Variants in CPED1 observed in about 807,000 individuals in gnomAD.
CPED1 encodes the protein cadherin-like and PC-esterase domain-containing protein 1.
A neutral mutation model predicts 128.2 loss-of-function variants in CPED1; 114 were observed. The ratio of observed to expected loss-of-function variants is 0.89; its 90% CI spans 0.76 to 1.04. CPED1 has a LOEUF of 1.04. Among genes scored for constraint, CPED1 ranks in the 50% least tolerant of loss-of-function variants. CPED1 has a pLI of 0.00. For synonymous variants in CPED1, 462 were observed against 426.7 expected (o/e 1.08, Z -1.02); for missense variants, 1,211 against 1,207.1 (o/e 1.00, Z -0.05).
chr7:121,248,136 C>G lies in CPED1; in HGVS notation c.2310+3798C>G, dbSNP rs114881503. Among the ~76,000 whole-genome samples, 1,063 of 152,256 alleles carry G rather than the reference C, an allele frequency of 7.0e-3. 13 individuals are homozygous for G. The highest frequency in any genetic ancestry group is 0.024 in the African/African-American group (989 of 41,542). ...GTGCCCAAGGCTGCAGTGTGCAGCT[C>G]AAGAGTGCTGAGCCAGGATATGTGG... On this transcript the variant is annotated intron_variant, in intron 18 of 22. Transcript: ENST00000310396.
intron 2 of CPED1, among the ~76,000 whole-genome samples, chr7:121,009,805 G>A (rs540230707): frequency 6.6e-6 from 1 of 152,262 alleles, no homozygotes; most frequent in South Asian, 2.1e-4. Context: ...TGTTTGAAAC[G>A]AAGTGGAGGA....
intron 3 of CPED1, among the ~76,000 whole-genome samples, chr7:121,043,125 G>A (rs750656215): frequency 6.6e-6 from 1 of 152,178 alleles, no homozygotes; most frequent in Non-Finnish European, 1.5e-5. Flanking sequence ...TATGGCAACA[G>A]CCTTGAGACA....
intron 4 of CPED1, among the ~76,000 whole-genome samples, chr7:121,059,417 T>C (rs923772656): frequency 1.3e-5 from 2 of 152,208 alleles, no homozygotes; most frequent in Non-Finnish European, 2.9e-5. Context: ...ATGAACAGCT[T>C]TGGGAGAAGT....
chr7:121,241,417 A>G (rs1798393104), intron 17 of CPED1, among the ~76,000 whole-genome samples: 1 of 151,470 alleles, frequency 6.6e-6, no homozygotes, highest in African/African-American at 2.4e-5. Flanking sequence ...ATGGAAAAAT[A>G]AGCACTTTTG....
chr7:121,222,388 G>T (rs982654393), intron 16 of CPED1, among the ~76,000 whole-genome samples: 1 of 152,096 alleles, frequency 6.6e-6, no homozygotes, highest in Non-Finnish European at 1.5e-5. Context: ...GTCAGGTAGC[G>T]TGATGCCTCC....
At chr7:121,269,102 C>T (rs1044284411) in intron 21 of CPED1, among the ~76,000 whole-genome samples, 2 of 151,988 alleles carry the variant, frequency 1.3e-5, no homozygotes, top group African/African-American at 4.8e-5. Context: ...ACCTGGTATA[C>T]AAGTAAGTGT....
Position 121,266,726 on chromosome 7 carries a change from A to G in CPED1, c.2551A>G (p.Thr851Ala). ...LLQRSRPLEN[T>A]GQTVLVVGGV... Reference sequence around the variant, plus strand: ...TTTCAGATCACGTCCCCTAGAGAATACTGGCCAGACTGTATTGGTTGTTGG... The same window carrying G: ...TTTCAGATCACGTCCCCTAGAGAATGCTGGCCAGACTGTATTGGTTGTTGG... The change falls in exon 20 of 23, where the codon ACT becomes GCT. Residue 851 changes from threonine (T) to alanine (A), a missense_variant. Physicochemically the swap from Thr to Ala is moderately conservative, Grantham distance 58 (BLOSUM62 0). Coordinates refer to ENST00000310396, the MANE Select transcript of CPED1 (RefSeq NM_024913.5). The G allele has an allele frequency of 1.2e-6, 2 of 1,612,158 alleles. No homozygotes were observed. The highest frequency in any genetic ancestry group is 1.7e-6 in the Non-Finnish European group (2 of 1,178,572).
At chr7:121,294,357 T>G (rs141022269) in intron 22 of CPED1, among the ~76,000 whole-genome samples, 13 of 152,162 alleles carry the variant, frequency 8.5e-5, no homozygotes, top group Non-Finnish European at 1.5e-5. Flanking sequence ...TTATAACTTA[T>G]GCATGATGCT....
intron 22 of CPED1, 89 bp downstream of exon 22, chr7:121,271,519 C>T (rs1282079899): frequency 4.6e-6 from 6 of 1,316,084 alleles, no homozygotes. Flanking sequence ...TCTTATTTTG[C>T]ATGAAACAAA....
At position 120,989,999 on chromosome 7, in the gene CPED1, G is replaced by A. The variant is rs996922009; in HGVS notation, c.249+129G>A. On this transcript the variant is annotated intron_variant, in intron 2 of 22. Coordinates refer to ENST00000310396, the MANE Select transcript of CPED1 (RefSeq NM_024913.5). ...GGATCCAGAGTGTAAACAGCCTAGA[G>A]AGTGACCTGATGACTGGGAAACACG... 5 of 1,071,582 alleles carry A rather than the reference G, an allele frequency of 4.7e-6. No individual in the cohort carries two copies. The African/African-American group carries it at 6.3e-5, about 14-fold the overall frequency. The allele number at this position is 1,071,582 out of a possible 1,614,324, so 66.4% of individuals were successfully genotyped here.
At chr7:121,095,401 T>C (rs1285703808) in intron 5 of CPED1, among the ~76,000 whole-genome samples, 2 of 152,106 alleles carry the variant, frequency 1.3e-5, no homozygotes, top group Admixed American at 1.3e-4. Context: ...CTTTTAAAGA[T>C]ATAAATGAAG....
At chr7:121,086,956 G>T (rs1015993645) in intron 5 of CPED1, among the ~76,000 whole-genome samples, 6 of 152,194 alleles carry the variant, frequency 3.9e-5, no homozygotes, top group Non-Finnish European at 8.8e-5. Context: ...AGGCAAACTT[G>T]GGCAAGGGAA....
chr7:121,124,247 C>A, intron 7 of CPED1, 84 bp from the exon 8 acceptor site: 1 of 1,314,450 alleles, frequency 7.6e-7, no homozygotes, highest in Non-Finnish European at 1.0e-6. Context: ...TAACCTAGAA[C>A]AATCCTTCAA....
At chr7:121,107,595 G>C (rs1299315452) in intron 7 of CPED1, among the ~76,000 whole-genome samples, 1 of 151,998 alleles carries the variant, frequency 6.6e-6, no homozygotes, top group Non-Finnish European at 1.5e-5. Context: ...TGGTATGTGG[G>C]TGCAAAGTAA....
At chr7:121,110,526 T>G (rs1469117546) in intron 7 of CPED1, among the ~76,000 whole-genome samples, 1 of 152,128 alleles carries the variant, frequency 6.6e-6, no homozygotes, top group Admixed American at 6.6e-5. Flanking sequence ...TTTCAAGAGA[T>G]GACAGTAAAA....
In CPED1 at chr7:121,064,716, G is replaced by A. The variant is rs185200365; in HGVS notation, c.616+403G>A. Among the ~76,000 whole-genome samples, 109 of 152,062 alleles carry A rather than the reference G, an allele frequency of 7.2e-4. No homozygotes were observed. In the Middle Eastern group the frequency reaches 0.014, roughly 19 times the overall value. ...CTAAAAACATTGTTTCTCCTTTCTG[G>A]AATCCTCTCAATTTGTCTGTGTGTT... On this transcript the variant is annotated intron_variant, in intron 5 of 22. Transcript: ENST00000310396.
At chr7:121,254,880 A>G (rs961302063) in intron 18 of CPED1, among the ~76,000 whole-genome samples, 4 of 151,270 alleles carry the variant, frequency 2.6e-5, no homozygotes, top group African/African-American at 7.3e-5. Flanking sequence ...GAATAGACCA[A>G]TATTGAGCTC....
intron 7 of CPED1, among the ~76,000 whole-genome samples, chr7:121,108,313 A>G (rs943237042): frequency 6.6e-6 from 1 of 152,122 alleles, no homozygotes; most frequent in Non-Finnish European, 1.5e-5. Flanking sequence ...ATTCCTCACT[A>G]CAATTTAAAT....
At chr7:121,189,654 G>A (rs550394902) in intron 16 of CPED1, among the ~76,000 whole-genome samples, 31 of 150,762 alleles carry the variant, frequency 2.1e-4, no homozygotes, top group Admixed American at 1.5e-3. Flanking sequence ...CTCAATTTAT[G>A]AAAAATAATG....
Sources: allele counts gnomAD v4.1 joint callset (sites outside exome capture counted in the v4.1 genomes callset), GRCh38; gene constraint gnomAD v4.1.1; transcripts MANE v1.5; gene names NCBI Gene and HGNC (gene_info 2026-07-23, HGNC 2026-07-21).